The following RBFOX1 variants were observed in gnomAD, a reference collection of about 807,000 sequenced individuals.
RBFOX1 encodes the protein RNA binding fox-1 homolog 1, also known as RNA binding protein fox-1 homolog 1.
A neutral mutation model predicts 57.7 loss-of-function variants in RBFOX1; 8 were observed. The ratio of observed to expected loss-of-function variants is 0.14; its 90% CI spans 0.08 to 0.25. RBFOX1 has a LOEUF of 0.25. Among genes scored for constraint, RBFOX1 ranks in the 10% least tolerant of loss-of-function variants. The pLI is 1.00. For synonymous variants in RBFOX1, 326 were observed against 222.4 expected (o/e 1.47, Z -4.15); for missense variants, 611 against 548.5 (o/e 1.11, Z -1.14).
chr16:7,175,695 C>G (rs1280649346), intron 4 of RBFOX1, among the ~76,000 whole-genome samples: 1 of 152,226 alleles, frequency 6.6e-6, no homozygotes, highest in Non-Finnish European at 1.5e-5. Flanking sequence ...TCAGTTCAAG[C>G]TTCCCGAGGT....
rs2068558280 is a variant in RBFOX1 at position 5,454,907 on chromosome 16, T to TTTG, written c.220-12307_220-12306insGTT. On this transcript the variant is annotated intron_variant, in intron 1 of 2. Coordinates refer to the RBFOX1 transcript ENST00000585867. ...CTTTCTTTCTTTCTTTCTTTCTTTCTTTCTTTCCTTTGTTTCTTTCTTCCT... is the reference window on the plus strand; with the variant it reads ...CTTTCTTTCTTTCTTTCTTTCTTTCTTTGTTCTTTCCTTTGTTTCTTTCTTCCT... Among the ~76,000 whole-genome samples the TTTG allele has an allele frequency of 2.8e-5, 3 of 107,538 alleles. 1 individual carries two copies. Among genetic ancestry groups the TTTG allele is most frequent in the Non-Finnish European group, 6.2e-5 (3 of 48,226 alleles). The allele number at this position is 107,538 out of a possible 152,430, so 70.5% of individuals were successfully genotyped here. A position where few individuals can be genotyped will look rare whatever the true frequency, so the allele number is the denominator to read the frequency against.
intron 4 of RBFOX1, among the ~76,000 whole-genome samples, chr16:7,464,587 C>G (rs1028709547): frequency 1.3e-5 from 2 of 151,996 alleles, no homozygotes; most frequent in Non-Finnish European, 2.9e-5. Flanking sequence ...GTTTGGCTCT[C>G]CATTTCGTCT....
intron 4 of RBFOX1, among the ~76,000 whole-genome samples, chr16:6,013,439 C>G (rs917785738): frequency 6.6e-6 from 1 of 152,196 alleles, no homozygotes; most frequent in African/African-American, 2.4e-5. Context: ...TTTTTTTACT[C>G]TAAGACCAAT....
At chr16:6,819,720 AAAAAAAAAAAAT>A (rs1242061590) in intron 3 of RBFOX1, among the ~76,000 whole-genome samples, 3 of 144,478 alleles carry the variant, frequency 2.1e-5, no homozygotes, top group African/African-American at 5.2e-5. Flanking sequence ...AAAAAAAAAA[AAAAAAAAAAAAT>A]AACAACACCA....
intron 1 of RBFOX1, among the ~76,000 whole-genome samples, chr16:6,167,567 C>T (rs1403491641): frequency 6.6e-6 from 1 of 152,190 alleles, no homozygotes; most frequent in Non-Finnish European, 1.5e-5. Context: ...CTAACACAGT[C>T]AGTACTGCCT....
At chr16:7,043,690 A>T (rs2046935188) in intron 3 of RBFOX1, among the ~76,000 whole-genome samples, 1 of 152,196 alleles carries the variant, frequency 6.6e-6, no homozygotes, top group African/African-American at 2.4e-5. Context: ...ATTATTGTGG[A>T]CATGAAAACA....
chr16:7,706,400 T>C (rs1325704345), intron 14 of RBFOX1, among the ~76,000 whole-genome samples: 6 of 152,172 alleles, frequency 3.9e-5, no homozygotes, highest in South Asian at 2.1e-4. Flanking sequence ...TACTGCCAAA[T>C]TGTTACCTTG....
chr16:7,225,038 T>G (rs1478314226), intron 4 of RBFOX1, among the ~76,000 whole-genome samples: 1 of 152,184 alleles, frequency 6.6e-6, no homozygotes, highest in African/African-American at 2.4e-5. Flanking sequence ...CTTAAGTTGT[T>G]GCCGGAGTTA....
chr16:7,202,091 G>C (rs970845343), intron 4 of RBFOX1, among the ~76,000 whole-genome samples: 1 of 151,900 alleles, frequency 6.6e-6, no homozygotes, highest in Non-Finnish European at 1.5e-5. Flanking sequence ...AAATCAATAT[G>C]GGTTACTCAA....
chr16:6,555,699 GA>G (rs35609004), intron 2 of RBFOX1, among the ~76,000 whole-genome samples: 14,536 of 149,204 alleles, frequency 0.097, 1,782 homozygotes, highest in African/African-American at 0.29. Flanking sequence ...GACTCTGTCT[GA>G]AAAAAAAACA....
In RBFOX1 at chr16:5,269,846, C is replaced by G. The variant is rs1045327949; in HGVS notation, c.219+29741C>G. ...GCCCAAGTTGCAATTTTATTCAACA[C>G]TTGATTGGCTTTAAAAATAGATTCC... On this transcript the variant is annotated intron_variant, in intron 1 of 2. Coordinates refer to the RBFOX1 transcript ENST00000585867. 2.6e-5 allele frequency among the ~76,000 whole-genome samples: 4 copies of G among 152,262 alleles called. No homozygotes were observed. The South Asian group carries it at 6.2e-4, about 24-fold the overall frequency.
chr16:7,056,551 C>T (rs1424087355), intron 4 of RBFOX1, among the ~76,000 whole-genome samples: 1 of 152,154 alleles, frequency 6.6e-6, no homozygotes, highest in Non-Finnish European at 1.5e-5. Flanking sequence ...TCTGCACCAA[C>T]AGATGGACAA....
rs60122017 is a variant in RBFOX1, at chr16:6,632,639, A to G, written c.-63-21964A>G. 9.7e-3 allele frequency among the ~76,000 whole-genome samples: 1,474 copies of G among 152,288 alleles called. 29 individuals carry two copies. Among genetic ancestry groups the G allele is most frequent in the African/African-American group, 0.033 (1,355 of 41,576 alleles). ...TGGCCATGGGTGTTTTGCTTGAGCT[A>G]TTCCACTCATGACACTGGGCCTGAC... is the stretch of plus-strand genomic sequence containing the variant. On this transcript the variant is annotated intron_variant, in intron 2 of 15. Transcript: ENST00000550418.
intron 6 of RBFOX1, among the ~76,000 whole-genome samples, chr16:7,581,861 C>T (rs934017854): frequency 6.6e-6 from 1 of 152,122 alleles, no homozygotes; most frequent in African/African-American, 2.4e-5. Flanking sequence ...CAGGCACAAG[C>T]CACCATGCTT....
intron 2 of RBFOX1, among the ~76,000 whole-genome samples, chr16:6,606,731 C>T (rs1219066933): frequency 6.6e-6 from 1 of 152,092 alleles, no homozygotes; most frequent in Non-Finnish European, 1.5e-5. Context: ...TGCATATGTA[C>T]CACGTTTTCT....
At chr16:6,627,331 T>G (rs1310785210) in intron 2 of RBFOX1, among the ~76,000 whole-genome samples, 3 of 152,174 alleles carry the variant, frequency 2.0e-5, no homozygotes, top group African/African-American at 7.2e-5. Flanking sequence ...CTACTCTAGG[T>G]GAGCTTAGGA....
intron 2 of RBFOX1, among the ~76,000 whole-genome samples, chr16:5,520,707 C>G (rs1028698643): frequency 1.2e-4 from 18 of 152,214 alleles, no homozygotes; most frequent in African/African-American, 3.4e-4. Flanking sequence ...GCTTGCAAAA[C>G]TTATCTGTAG....
At position 6,546,260 on chromosome 16, in the gene RBFOX1, T is replaced by C. The variant is rs146711394; in HGVS notation, c.-63-108343T>C. On this transcript the variant is annotated intron_variant, in intron 2 of 15. Coordinates refer to ENST00000550418, the MANE Select transcript of RBFOX1 (RefSeq NM_018723.4). ...GCATTTTCATGGCACTCATATCGCC[T>C]GTCAGACTTTGTCCCAAGTGCATTG... Among the ~76,000 whole-genome samples, 55 of 152,332 alleles carry C rather than the reference T, an allele frequency of 3.6e-4. 1 individual carries two copies. Among genetic ancestry groups the C allele is most frequent in the African/African-American group, 1.2e-3 (50 of 41,594 alleles).
At chr16:6,509,881 G>C (rs1008384118) in intron 2 of RBFOX1, among the ~76,000 whole-genome samples, 2 of 152,174 alleles carry the variant, frequency 1.3e-5, no homozygotes, top group Non-Finnish European at 2.9e-5. Context: ...GGAGAAGTCA[G>C]ATTTGAGGAG....
Sources: allele counts gnomAD v4.1 joint callset (sites outside exome capture counted in the v4.1 genomes callset), GRCh38; gene constraint gnomAD v4.1.1; transcripts MANE v1.5; gene names NCBI Gene and HGNC (gene_info 2026-07-23, HGNC 2026-07-21).